The following KCNB2 variants were observed in gnomAD, a reference collection of about 807,000 sequenced individuals.
KCNB2 encodes delayed rectifier potassium channel protein.
KCNB2 carries 15 observed loss-of-function variants against 61.5 expected under a neutral mutation model. The observed-to-expected ratio is 0.24, with a 90% CI of 0.16 to 0.38. KCNB2 has a LOEUF of 0.38. KCNB2 is among the 10% of genes least tolerant of loss of function. The pLI, the probability that KCNB2 is intolerant of heterozygous loss-of-function variation, is 1.00. For missense variants in KCNB2, 828 were observed against 1,125.2 expected (o/e 0.74, Z 3.78); for synonymous variants, 457 against 446.0 (o/e 1.02, Z -0.31).
chr8:72,824,531 G>A (rs1107217), intron 2 of KCNB2, among the ~76,000 whole-genome samples: 1 of 151,758 alleles, frequency 6.6e-6, no homozygotes, highest in Non-Finnish European at 1.5e-5. Context: ...CTCTTGGGTG[G>A]TATCTAAGGA....
intron 1 of KCNB2, among the ~76,000 whole-genome samples, chr8:72,558,659 TGCACGTCACTTGGG>T (rs931149071): frequency 6.6e-6 from 1 of 152,192 alleles, no homozygotes; most frequent in Non-Finnish European, 1.5e-5. Context: ...TAATATTTAT[TGCACGTCACTTGGG>T]GCACAATGAT....
At chr8:72,597,447 T>A (rs760797500) in intron 2 of KCNB2, among the ~76,000 whole-genome samples, 3 of 152,256 alleles carry the variant, frequency 2.0e-5, no homozygotes, top group Non-Finnish European at 2.9e-5. Context: ...TGTTTTCAGA[T>A]GAAGCATCTG....
intron 2 of KCNB2, among the ~76,000 whole-genome samples, chr8:72,858,002 T>G (rs1041818282): frequency 4.6e-5 from 7 of 152,182 alleles, no homozygotes; most frequent in African/African-American, 1.7e-4. Flanking sequence ...TAGCTGATGT[T>G]TAAGAGTAAC....
At chr8:72,838,753 A>G (rs1353709703) in intron 2 of KCNB2, among the ~76,000 whole-genome samples, 2 of 152,182 alleles carry the variant, frequency 1.3e-5, no homozygotes, top group African/African-American at 4.8e-5. Context: ...ATGGATAATA[A>G]CATGTAAAAT....
At chr8:72,581,456 C>T (rs1806895457) in intron 2 of KCNB2, among the ~76,000 whole-genome samples, 1 of 152,232 alleles carries the variant, frequency 6.6e-6, no homozygotes, top group Non-Finnish European at 1.5e-5. Context: ...CCTAGCATAG[C>T]TCCTGACACA....
chr8:72,779,616 A>G (rs1193795991), intron 2 of KCNB2, among the ~76,000 whole-genome samples: 1 of 152,198 alleles, frequency 6.6e-6, no homozygotes, highest in Non-Finnish European at 1.5e-5. Context: ...GAATTATTGC[A>G]AAACTCAATT....
chr8:72,589,960 T>C (rs1483619288), intron 2 of KCNB2, among the ~76,000 whole-genome samples: 3 of 152,208 alleles, frequency 2.0e-5, no homozygotes, highest in African/African-American at 7.2e-5. Flanking sequence ...TTTATCGCTT[T>C]TATATTATAG....
rs1245557557 is a variant in KCNB2 at position 72,937,145 on chromosome 8, TGAA to T, written c.1793_1795del (p.Lys598del). The stretch of plus-strand genomic sequence containing the variant: ...GCACAGACCGAGGTCATTGTGGACA[TGAA>T]GAGCACCTCCAGCATCGACAGCTTC... On this transcript the variant is annotated inframe_deletion, in exon 3 of 3. Coordinates refer to ENST00000523207, the MANE Select transcript of KCNB2 (RefSeq NM_004770.3). 13 of 1,613,980 alleles carry T rather than the reference TGAA, an allele frequency of 8.1e-6. No homozygotes were observed. The highest frequency in any genetic ancestry group is 3.3e-5 in the Admixed American group (2 of 59,996).
intron 2 of KCNB2, among the ~76,000 whole-genome samples, chr8:72,828,993 G>T (rs547009521): frequency 6.6e-6 from 1 of 152,240 alleles, no homozygotes; most frequent in Admixed American, 6.5e-5. Context: ...TCTCTGTTGG[G>T]CCCTAACTTG....
intron 2 of KCNB2, among the ~76,000 whole-genome samples, chr8:72,668,649 G>A (rs1806516878): frequency 6.6e-6 from 1 of 152,044 alleles, no homozygotes; most frequent in African/African-American, 2.4e-5. Flanking sequence ...CTCCAAAGAG[G>A]CCATTTCTGA....
intron 2 of KCNB2, among the ~76,000 whole-genome samples, chr8:72,932,745 C>A (rs1262749848): frequency 1.3e-5 from 2 of 152,168 alleles, no homozygotes; most frequent in African/African-American, 4.8e-5. Context: ...TGGCTTGCCA[C>A]ATAAGTGCCA....
chr8:72,832,349 C>G (rs1809711667), intron 2 of KCNB2, among the ~76,000 whole-genome samples: 1 of 152,044 alleles, frequency 6.6e-6, no homozygotes, highest in Admixed American at 6.5e-5. Flanking sequence ...AAAGATAATT[C>G]CCTGAACTTA....
In KCNB2 at chr8:72,743,258, T is replaced by G. The variant is rs144676733; in HGVS notation, c.579+174945T>G. The stretch of plus-strand genomic sequence containing the variant: ...CTTTAAGAAACATTAAGACAATTCC[T>G]TATGAAATGTTAGACACTAAAGTTG... On this transcript the variant is annotated intron_variant, in intron 2 of 2. Transcript: ENST00000523207. Among the ~76,000 whole-genome samples, 327 of 152,322 alleles carry G rather than the reference T, an allele frequency of 2.1e-3. 2 individuals carry two copies. The highest frequency in any genetic ancestry group is 7.3e-3 in the African/African-American group (304 of 41,574).
chr8:72,680,955 T>G (rs1806740328), intron 2 of KCNB2, among the ~76,000 whole-genome samples: 2 of 152,116 alleles, frequency 1.3e-5, no homozygotes, highest in African/African-American at 4.8e-5. Context: ...GTCCGATATG[T>G]GCTCACAATT....
rs575867250 is a variant in KCNB2, at chr8:72,743,052, T to A, written c.579+174739T>A. Among the ~76,000 whole-genome samples, 40 of 152,312 alleles carry A rather than the reference T, an allele frequency of 2.6e-4. 1 individual carries two copies. In the South Asian group the frequency reaches 8.3e-3, roughly 32 times the overall value. On this transcript the variant is annotated intron_variant, in intron 2 of 2. Transcript: ENST00000523207. ...GACGACTCTTAGTCATATTTTATTT[T>A]TAATGAAGTGCAGTCTACATCCATA...
intron 2 of KCNB2, among the ~76,000 whole-genome samples, chr8:72,764,685 T>A (rs1808434966): frequency 6.6e-6 from 1 of 152,184 alleles, no homozygotes. Flanking sequence ...ATGTTCTTTC[T>A]TAGTAAAGAA....
chr8:72,552,485 A>G (rs1418903530), intron 1 of KCNB2, among the ~76,000 whole-genome samples: 1 of 152,242 alleles, frequency 6.6e-6, no homozygotes, highest in African/African-American at 2.4e-5. Flanking sequence ...ACATGTGACT[A>G]GTGGCTACCA....
chr8:72,643,428 A>G (rs923806202), intron 2 of KCNB2, among the ~76,000 whole-genome samples: 4 of 152,100 alleles, frequency 2.6e-5, no homozygotes, highest in Non-Finnish European at 4.4e-5. Flanking sequence ...ATCTAGACTG[A>G]AACCACATAG....
At chr8:72,725,575 G>GTGTATA (rs1563571999) in intron 2 of KCNB2, among the ~76,000 whole-genome samples, 2 of 80,484 alleles carry the variant, frequency 2.5e-5, no homozygotes, top group African/African-American at 1.2e-4. Flanking sequence ...GTATATATAT[G>GTGTATA]TATATATATA....
Sources: allele counts gnomAD v4.1 joint callset (sites outside exome capture counted in the v4.1 genomes callset), GRCh38; gene constraint gnomAD v4.1.1; transcripts MANE v1.5; gene names NCBI Gene and HGNC (gene_info 2026-07-23, HGNC 2026-07-21).